FOXK2: variants seen among roughly 807,000 people sequenced by gnomAD.
FOXK2 encodes the protein forkhead box K2.
In FOXK2, 24 loss-of-function variants were observed where a neutral mutation model predicts 53.3. The ratio of observed to expected loss-of-function variants is 0.45; its 90% CI spans 0.33 to 0.63. FOXK2 has a LOEUF of 0.63. FOXK2 is among the 30% of genes least tolerant of loss of function. The pLI is 0.03. For synonymous variants in FOXK2, 505 were observed against 407.1 expected (o/e 1.24, Z -2.89); for missense variants, 952 against 910.5 (o/e 1.05, Z -0.59).
chr17:82,577,237 T>G, intron 4 of FOXK2: 1 of 1,260,914 alleles, frequency 7.9e-7, no homozygotes, highest in Admixed American at 1.8e-5. Flanking sequence ...CTTCCGTGTC[T>G]TCAAACTCCA....
chr17:82,585,499 C>T (rs72862401), intron 6 of FOXK2, among the ~76,000 whole-genome samples: 13,506 of 152,082 alleles, frequency 0.089, 758 homozygotes, highest in Non-Finnish European at 0.14. Flanking sequence ...TAATATTTGT[C>T]GTAGAGACAG....
At chr17:82,529,207 C>G (rs993252180) in intron 1 of FOXK2, among the ~76,000 whole-genome samples, 1 of 141,872 alleles carries the variant, frequency 7.0e-6, no homozygotes, top group Non-Finnish European at 1.5e-5. Flanking sequence ...TCAAATTATA[C>G]TTGAAAGCGC....
At chr17:82,582,533 T>G (rs536042229) in intron 4 of FOXK2, among the ~76,000 whole-genome samples, 1 of 152,190 alleles carries the variant, frequency 6.6e-6, no homozygotes, top group African/African-American at 2.4e-5. Context: ...GACTGGGTTT[T>G]CACGCTTCCC....
At chr17:82,542,561 G>T (rs1476495124) in intron 1 of FOXK2, among the ~76,000 whole-genome samples, 1 of 152,054 alleles carries the variant, frequency 6.6e-6, no homozygotes, top group Non-Finnish European at 1.5e-5. Flanking sequence ...CAATCTTCCT[G>T]CCTTGGCCTC....
intron 8 of FOXK2, 122 bp downstream of exon 8, chr17:82,587,394 T>C (rs2045198467): frequency 2.6e-6 from 2 of 778,172 alleles, no homozygotes; most frequent in Non-Finnish European, 4.3e-6. Flanking sequence ...ATGTTTGCAT[T>C]TCGAAGCTGC....
chr17:82,554,947 C>G (rs1313424099), intron 1 of FOXK2, among the ~76,000 whole-genome samples: 2 of 151,952 alleles, frequency 1.3e-5, no homozygotes, highest in African/African-American at 4.8e-5. Context: ...CAGCGTTTCA[C>G]CATATTGGCC....
rs147079088 is a variant in FOXK2, at chr17:82,585,995, A to T, written c.1371A>T (p.Pro457=). The change falls in exon 7 of 9, where the codon CCA becomes CCT. Residue 457 remains proline (P), a synonymous_variant. Coordinates refer to ENST00000335255, the MANE Select transcript of FOXK2 (RefSeq NM_004514.4). ...IKPVTYTVAT[P]VTTSTSQPPV... ...CTGTCACCTACACTGTGGCCACCCC[A>T]GTGACCACCTCGACCTCCCAGCCAC... 3.8e-5 allele frequency: 61 copies of T among 1,612,604 alleles called. No homozygotes were observed. In the African/African-American group the frequency reaches 5.5e-4, roughly 14 times the overall value.
chr17:82,585,831 G>A (rs775246902), intron 6 of FOXK2, 73 bp from the exon 7 acceptor site: 5 of 1,477,252 alleles, frequency 3.4e-6, no homozygotes, highest in African/African-American at 1.4e-5. Context: ...TTGCTTGTCA[G>A]TGCTGAGTGT....
chr17:82,541,597 T>G (rs1567967977), intron 1 of FOXK2, among the ~76,000 whole-genome samples: 2 of 152,080 alleles, frequency 1.3e-5, no homozygotes, highest in South Asian at 4.1e-4. Flanking sequence ...ATCTGTGTAT[T>G]ACAAATTGAT....
At chr17:82,529,000 C>G (rs1365911361) in intron 1 of FOXK2, among the ~76,000 whole-genome samples, 1 of 152,182 alleles carries the variant, frequency 6.6e-6, no homozygotes, top group Non-Finnish European at 1.5e-5. Context: ...ATCTAGTGGA[C>G]AGAGGCCAGG....
At position 82,603,241 on chromosome 17, in the gene FOXK2, C is replaced by T. The variant is rs1196623709; in HGVS notation, c.*1742C>T. ...AGCGCAGCGTGTGGATGGATCAGAG[C>T]CCCTCGGTGCAGCTGTCTGCATCTT... On this transcript the variant is annotated 3_prime_UTR_variant, in exon 9 of 9. Transcript: ENST00000335255. 1 of 152,258 alleles carries T rather than the reference C, an allele frequency of 6.6e-6. No homozygotes were observed. The highest frequency in any genetic ancestry group is 1.5e-5 in the Non-Finnish European group (1 of 68,040). 9.4% of individuals were successfully genotyped at this position (152,258 alleles called of 1,614,324 possible).
chr17:82,574,309 A>T (rs1202487148), intron 4 of FOXK2, among the ~76,000 whole-genome samples: 1 of 146,074 alleles, frequency 6.8e-6, no homozygotes, highest in Non-Finnish European at 1.5e-5. Context: ...GTTCATGGAC[A>T]TTACTCTCTC....
intron 4 of FOXK2, 97 bp from the exon 5 acceptor site, chr17:82,582,642 CAT>C (rs2045078049): frequency 1.7e-5 from 16 of 958,298 alleles, no homozygotes; most frequent in Non-Finnish European, 2.4e-5. Context: ...CCAGGCCCAA[CAT>C]GTAGGTTTCT....
Position 82,582,928 on chromosome 17 carries a change from C to G in FOXK2, c.1097C>G (p.Ser366Cys), listed in dbSNP as rs1325648372. 1 of 1,552,188 alleles carries G rather than the reference C, an allele frequency of 6.4e-7. No individual in the cohort carries two copies. The highest frequency in any genetic ancestry group is 1.4e-5 in the African/African-American group (1 of 71,694). Residue 366 changes from serine (S) to cysteine (C), a missense_variant, in exon 5 of 9, where the codon TCT becomes TGT. Ser to Cys is a moderately radical substitution (Grantham distance 112, BLOSUM62 -1). Around this residue, in one of 5 missense-constraint regions of FOXK2, gnomAD observed 160 missense variants for 214.2 expected, o/e 0.75. Coordinates refer to ENST00000335255, the MANE Select transcript of FOXK2 (RefSeq NM_004514.4). ...TTTAGAACCCCTCTGGGACCGCTCTCTTCTAGGTAAGGAAAAAGAAGAACA... is the reference window on the plus strand; with the variant it reads ...TTTAGAACCCCTCTGGGACCGCTCTGTTCTAGGTAAGGAAAAAGAAGAACA... ...PCFRTPLGPL[S>C]SRSAPASPNH...
At chr17:82,530,744 A>G (rs1184319620) in intron 1 of FOXK2, among the ~76,000 whole-genome samples, 1 of 152,142 alleles carries the variant, frequency 6.6e-6, no homozygotes, top group Non-Finnish European at 1.5e-5. Flanking sequence ...TCCTGACTGC[A>G]GGTGATTCCC....
chr17:82,551,092 C>T (rs6650592), intron 1 of FOXK2, among the ~76,000 whole-genome samples: 33,118 of 150,100 alleles, frequency 0.22, 4,026 homozygotes, highest in East Asian at 0.39. Flanking sequence ...CCGAGGCGGG[C>T]GGATCACAAG....
chr17:82,532,269 C>A (rs987098867), intron 1 of FOXK2, among the ~76,000 whole-genome samples: 2 of 151,958 alleles, frequency 1.3e-5, no homozygotes, highest in Admixed American at 6.6e-5. Flanking sequence ...CTCAGCTTTC[C>A]GAGTAGCTGG....
chr17:82,584,261 AG>A, intron 6 of FOXK2, 73 bp downstream of exon 6: 1 of 1,441,150 alleles, frequency 6.9e-7, no homozygotes, highest in Non-Finnish European at 9.2e-7. Flanking sequence ...TCCACAGAGA[AG>A]AAACAGCCGG....
At chr17:82,573,359 T>A (rs1443164247) in intron 4 of FOXK2, among the ~76,000 whole-genome samples, 1 of 152,070 alleles carries the variant, frequency 6.6e-6, no homozygotes, top group Non-Finnish European at 1.5e-5. Flanking sequence ...CTGCCTGCCT[T>A]CCTGTCTACA....
Sources: allele counts gnomAD v4.1 joint callset (sites outside exome capture counted in the v4.1 genomes callset), GRCh38; gene constraint gnomAD v4.1.1; regional missense constraint gnomAD v4.1.1; transcripts MANE v1.5; gene names NCBI Gene and HGNC (gene_info 2026-07-23, HGNC 2026-07-21).